The following CIC variants were observed in gnomAD, a reference collection of about 807,000 sequenced individuals.
The protein encoded by CIC is protein capicua homolog.
CIC carries 18 observed loss-of-function variants against 115.7 expected under a neutral mutation model. The ratio of observed to expected loss-of-function variants is 0.16; its 90% confidence interval spans 0.11 to 0.23. CIC has a LOEUF of 0.23. Ranked by LOEUF, CIC falls within the 10% of genes least tolerant of loss-of-function variation. The probability of loss-of-function intolerance (pLI) is 1.00; values close to 1 mark genes in which losing one functional copy is unlikely to be tolerated. For synonymous variants in CIC, 1,076 were observed against 923.0 expected, an observed-to-expected ratio of 1.17 and a Z score of -3.01; for missense variants, 2,000 against 2,159.3, an observed-to-expected ratio of 0.93 and a Z score of 1.46.
At chr19:42,288,833 C>G in intron 7 of CIC, 55 bp from the exon 8 acceptor site, 1 of 1,521,718 alleles carries the variant, frequency 6.6e-7, no homozygotes, top group Non-Finnish European at 9.1e-7. Flanking sequence ...TTGGGCCAGT[C>G]TAGGTGCTGG....
In CIC at chr19:42,270,848, TGTGTGTTTGTGCGCGTGC is replaced by T; in HGVS notation, c.-10-920_-10-903del. On this transcript the variant is annotated intron_variant, in intron 1 of 20. Coordinates refer to ENST00000681038, the MANE Select transcript of CIC (RefSeq NM_001386298.1). The surrounding 1 kb of genome is among the most constrained non-coding windows in gnomAD (Gnocchi z 4.1). ...ACGTGTGCGTGCTTCTGTGCGTGTGTGTGTGTTTGTGCGCGTGCGTGTGCTCATGCACGGCCCCGTGGC... is the reference window on the plus strand; with the variant it reads ...ACGTGTGCGTGCTTCTGTGCGTGTGTGTGTGCTCATGCACGGCCCCGTGGC... 6.6e-6 allele frequency among the ~76,000 whole-genome samples: 1 copy of T among 152,134 alleles called. No individual in the cohort carries two copies.
intron 2 of CIC, chr19:42,284,092 G>A (rs1022719421): frequency 6.7e-6 from 1 of 148,674 alleles, no homozygotes; most frequent in Non-Finnish European, 1.5e-5. Context: ...TTCGGCGCGG[G>A]GCTCGCTCGG....
chr19:42,283,640 C>A lies in CIC; in HGVS notation c.2795-3131C>A, dbSNP rs554823591. 1.4e-4 allele frequency among the ~76,000 whole-genome samples: 21 copies of A among 152,146 alleles called. No individual in the cohort carries two copies. In the South Asian group the frequency reaches 3.9e-3, roughly 29 times the overall value. ...AGTTTGTCTGCCCAGCGGGGCCAGG[C>A]GCGCCCAGGCGGGTGTGCGGGAGGC... On this transcript the variant is annotated intron_variant, in intron 2 of 20. Transcript: ENST00000681038.
rs1191771816 is a variant in CIC at position 42,270,718 on chromosome 19, C to A, written c.-10-1056C>A. On this transcript the variant is annotated intron_variant, in intron 1 of 20. Coordinates refer to ENST00000681038, the MANE Select transcript of CIC (RefSeq NM_001386298.1). This position sits in a 1 kb window ranked among gnomAD's most constrained non-coding sequence, Gnocchi z 4.1. ...ATGCATGCAGGCAAGAAGAGGGGGG[C>A]TGGGCTTGCGGGTATCACGCTGGGT... Among the ~76,000 whole-genome samples the A allele has an allele frequency of 6.6e-6, 1 of 152,044 alleles. No homozygotes were observed. Among genetic ancestry groups the A allele is most frequent in the Admixed American group, 6.5e-5 (1 of 15,284 alleles).
At position 42,291,703 on chromosome 19, in the gene CIC, C is replaced by T. The variant is rs1353399343; in HGVS notation, c.5571C>T (p.Pro1857=). Reference sequence around the variant, plus strand: ...AGCCACTGCCACTGGTGAGCCCGCCCTTCTCAGTACCTGTGCAGAATGGTG... The same window carrying T: ...AGCCACTGCCACTGGTGAGCCCGCCTTTCTCAGTACCTGTGCAGAATGGTG... The part of the protein sequence containing the change: ...AGQPLPLVSP[P]FSVPVQNGAQ... The change falls in exon 12 of 21, where the codon CCC becomes CCT. Residue 1857 remains proline (P), a synonymous_variant. Transcript: ENST00000681038. 1.9e-6 allele frequency: 3 copies of T among 1,612,932 alleles called. No homozygotes were observed. The highest frequency in any genetic ancestry group is 1.7e-5 in the Admixed American group (1 of 60,004).
At position 42,286,940 on chromosome 19, in the gene CIC, G is replaced by C. The variant is rs760872029; in HGVS notation, c.2944+20G>C. On this transcript the variant is annotated intron_variant, in intron 3 of 20. Transcript: ENST00000681038. ...GCAAAGGTGAGGGCTGGTGGGGACT[G>C]GGGGGAGGCAAGGGTGTGGGGTCCA... 1.2e-5 allele frequency: 20 copies of C among 1,609,042 alleles called. No homozygotes were observed. The highest frequency in any genetic ancestry group is 1.7e-4 in the Middle Eastern group (1 of 6,022).
At position 42,291,468 on chromosome 19, in the gene CIC, T is replaced by TGA; in HGVS notation, c.5425+5_5425+6dup. 1 of 1,613,026 alleles carries TGA rather than the reference T, an allele frequency of 6.2e-7. No homozygotes were observed. Among genetic ancestry groups the TGA allele is most frequent in the South Asian group, 1.1e-5 (1 of 91,074 alleles). ...TACCCTCCGCCCCACCCCCCAAAGG[T>TGA]GAGACCTGGGCCGGGCAGCACTAGG... On this transcript the variant is annotated splice_region_variant and intron_variant, in intron 11 of 20. Transcript: ENST00000681038.
chr19:42,291,481 G>A lies in CIC; in HGVS notation c.5425+15G>A, dbSNP rs535122498. The A allele has an allele frequency of 6.8e-6, 11 of 1,613,112 alleles. No individual in the cohort carries two copies. The highest frequency in any genetic ancestry group is 4.5e-5 in the East Asian group (2 of 44,886). On this transcript the variant is annotated intron_variant, in intron 11 of 20. Coordinates refer to ENST00000681038, the MANE Select transcript of CIC (RefSeq NM_001386298.1). ...ACCCCCCAAAGGTGAGACCTGGGCC[G>A]GGCAGCACTAGGGGAGGGGCCATAG... is the stretch of plus-strand genomic sequence containing the variant.
chr19:42,282,242 T>G (rs2037291119), intron 2 of CIC, among the ~76,000 whole-genome samples: 1 of 152,174 alleles, frequency 6.6e-6, no homozygotes, highest in Non-Finnish European at 1.5e-5. Context: ...CTACAGACCT[T>G]CCCTTCCCTT....
chr19:42,286,939 T>TG lies in CIC; in HGVS notation c.2944+25dup, dbSNP rs1317491994. The TG allele has an allele frequency of 2.5e-6, 4 of 1,609,432 alleles. No homozygotes were observed. The South Asian group carries it at 3.3e-5, about 13-fold the overall frequency. On this transcript the variant is annotated intron_variant, in intron 3 of 20. Coordinates refer to ENST00000681038, the MANE Select transcript of CIC (RefSeq NM_001386298.1). ...AGCAAAGGTGAGGGCTGGTGGGGACTGGGGGGAGGCAAGGGTGTGGGGTCC... is the reference window on the plus strand; with the variant it reads ...AGCAAAGGTGAGGGCTGGTGGGGACTGGGGGGGAGGCAAGGGTGTGGGGTCC...
rs2036745806 is a variant in CIC at position 42,270,641 on chromosome 19, G to A, written c.-10-1133G>A. The stretch of plus-strand genomic sequence containing the variant: ...TGGAGGGCATATTTGGGGGCCTGCG[G>A]GGGGCTAGCCGACTCAGCCACCCTG... On this transcript the variant is annotated intron_variant, in intron 1 of 20. Coordinates refer to ENST00000681038, the MANE Select transcript of CIC (RefSeq NM_001386298.1). The surrounding 1 kb of genome is among the most constrained non-coding windows in gnomAD (Gnocchi z 4.1). 6.6e-6 allele frequency among the ~76,000 whole-genome samples: 1 copy of A among 152,118 alleles called. No individual in the cohort carries two copies. Among genetic ancestry groups the A allele is most frequent in the South Asian group, 2.1e-4 (1 of 4,826 alleles).
chr19:42,291,121 G>A lies in CIC; in HGVS notation c.5080G>A (p.Ala1694Thr), dbSNP rs1332491191. 6.2e-7 allele frequency: 1 copy of A among 1,609,492 alleles called. No homozygotes were observed. The highest frequency in any genetic ancestry group is 2.2e-5 in the East Asian group (1 of 44,756). Residue 1694 changes from alanine (A) to threonine (T), a missense_variant, in exon 11 of 21, where the codon GCC becomes ACC. This residue lies in a region of CIC where 1,466 missense variants were observed against 1,390.4 expected (regional missense o/e 1.05). Coordinates refer to ENST00000681038, the MANE Select transcript of CIC (RefSeq NM_001386298.1). ...TGCTGTCCAGTTCATTGCCCAGGGGGCCCCTGGTGGTGGGACCACTGCGGG... is the reference window on the plus strand; with the variant it reads ...TGCTGTCCAGTTCATTGCCCAGGGGACCCCTGGTGGTGGGACCACTGCGGG... ...PPAVQFIAQGAPGGGTTAGSG... is the reference protein window; with the variant it reads ...PPAVQFIAQGTPGGGTTAGSG...
Position 42,291,122 on chromosome 19 carries a change from C to T in CIC, c.5081C>T (p.Ala1694Val), listed in dbSNP as rs1388635083. 1.2e-6 allele frequency: 2 copies of T among 1,609,144 alleles called. No homozygotes were observed. Among genetic ancestry groups the T allele is most frequent in the East Asian group, 2.2e-5 (1 of 44,750 alleles). The change falls in exon 11 of 21, where the codon GCC (alanine) becomes GTC (valine). Residue 1694 changes from alanine (A) to valine (V), a missense_variant. Physicochemically the swap from Ala to Val is moderately conservative, Grantham distance 64 (BLOSUM62 0). Transcript: ENST00000681038. Reference protein sequence around the residue: ...PPAVQFIAQGAPGGGTTAGSG... With the variant: ...PPAVQFIAQGVPGGGTTAGSG... ...GCTGTCCAGTTCATTGCCCAGGGGG[C>T]CCCTGGTGGTGGGACCACTGCGGGC...
intron 7 of CIC, 131 bp downstream of exon 7, chr19:42,288,106 C>T (rs2037787154): frequency 6.7e-6 from 7 of 1,040,042 alleles, no homozygotes; most frequent in Non-Finnish European, 8.5e-6. Context: ...CGACCCTTAT[C>T]CGTAAAGGAA....
chr19:42,272,804 C>A lies in CIC; in HGVS notation c.1021C>A (p.Pro341Thr), dbSNP rs1013392127. The A allele has an allele frequency of 1.0e-5, 4 of 398,816 alleles. No individual in the cohort carries two copies. Among genetic ancestry groups the A allele is most frequent in the Non-Finnish European group, 1.8e-5 (4 of 226,348 alleles). The allele number at this position is 398,816 out of a possible 1,614,324, so 24.7% of individuals were successfully genotyped here. ...CCGCTCCAGCCTACGCCTGCTGCGC[C>A]CCCCCTGGGAACCTGAGACCATGCT... ...VARSSLRLLR[P>T]PWEPETMLRK... The change falls in exon 2 of 21, where the codon CCC becomes ACC. Residue 341 changes from proline to threonine, a missense_variant. Coordinates refer to ENST00000681038, the MANE Select transcript of CIC (RefSeq NM_001386298.1).
chr19:42,286,559 C>CT (rs1473352743), intron 2 of CIC, among the ~76,000 whole-genome samples: 1 of 149,854 alleles, frequency 6.7e-6, no homozygotes, highest in Non-Finnish European at 1.5e-5. Context: ...TTTCCCTTCC[C>CT]TGCTTCTGTT....
Position 42,271,957 on chromosome 19 carries a change from G to A in CIC, c.174G>A (p.Glu58=), listed in dbSNP as rs1175017620. 5 of 399,320 alleles carry A rather than the reference G, an allele frequency of 1.3e-5. No homozygotes were observed. Among genetic ancestry groups the A allele is most frequent in the Non-Finnish European group, 2.2e-5 (5 of 226,548 alleles). 24.7% of individuals were successfully genotyped at this position (399,320 alleles called of 1,614,324 possible). The change falls in exon 2 of 21, where the codon GAG becomes GAA. Residue 58 remains glutamate (E), a synonymous_variant. Transcript: ENST00000681038. ...CGCAACCACAGTCCGGGCCCGAAGA[G>A]GCTGAGGAAGGGGAGGAGGAGGAGG... is the stretch of plus-strand genomic sequence containing the variant. ...QQPQPQSGPE[E]AEEGEEEEAE...
At chr19:42,276,548 C>T (rs2036984489) in intron 2 of CIC, among the ~76,000 whole-genome samples, 1 of 152,124 alleles carries the variant, frequency 6.6e-6, no homozygotes, top group African/African-American at 2.4e-5. Context: ...CCAGGCCAGT[C>T]CCGAGGGACA....
chr19:42,291,941 T>A (rs539716469), intron 12 of CIC, 145 bp from the exon 13 acceptor site: 5 of 1,335,998 alleles, frequency 3.7e-6, no homozygotes, highest in Non-Finnish European at 5.3e-6. Context: ...TGTCCCCACC[T>A]CTCACTGTCA....
Sources: allele counts gnomAD v4.1 joint callset (sites outside exome capture counted in the v4.1 genomes callset), GRCh38; gene constraint gnomAD v4.1.1; regional missense constraint gnomAD v4.1.1; non-coding constraint Gnocchi (gnomAD v3.1); transcripts MANE v1.5; gene names NCBI Gene and HGNC (gene_info 2026-07-23, HGNC 2026-07-21).